The following VEZT variants were observed in gnomAD, a reference collection of about 807,000 sequenced individuals.
VEZT encodes vezatin.
In VEZT, 39 loss-of-function variants were observed where a neutral mutation model predicts 79.9. The observed-to-expected ratio is 0.49, with a 90% CI of 0.38 to 0.64. VEZT has a LOEUF of 0.64. Ranked by LOEUF, VEZT falls within the 30% of genes least tolerant of loss-of-function variation. The pLI is 0.00. For synonymous variants in VEZT, 325 were observed against 327.6 expected, an observed-to-expected ratio of 0.99 and a Z score of 0.09; for missense variants, 837 against 893.1, an observed-to-expected ratio of 0.94 and a Z score of 0.80.
intron 1 of VEZT, among the ~76,000 whole-genome samples, chr12:95,246,500 C>T (rs138523327): frequency 6.6e-6 from 1 of 152,252 alleles, no homozygotes; most frequent in African/African-American, 2.4e-5. Flanking sequence ...TTGGATGAGA[C>T]ATTTTCTTAA....
intron 3 of VEZT, among the ~76,000 whole-genome samples, chr12:95,262,704 T>A (rs144519965): frequency 1.3e-4 from 20 of 152,350 alleles, no homozygotes; most frequent in Middle Eastern, 3.4e-3. Context: ...CTCAATAATG[T>A]CTATCTCAAC....
At chr12:95,297,993 A>G (rs1190831766) in intron 11 of VEZT, among the ~76,000 whole-genome samples, 2 of 151,934 alleles carry the variant, frequency 1.3e-5, no homozygotes, top group African/African-American at 4.8e-5. Flanking sequence ...GATGGCGCAC[A>G]CCTATAATCC....
chr12:95,257,055 T>C, intron 2 of VEZT, 95 bp from the exon 3 acceptor site: 1 of 991,180 alleles, frequency 1.0e-6, no homozygotes, highest in Non-Finnish European at 1.5e-6. Context: ...TTTTCTGATA[T>C]AAATTCTCAT....
chr12:95,256,420 ACCT>A (rs1358516968), intron 2 of VEZT: 1 of 380,342 alleles, frequency 2.6e-6, no homozygotes, highest in East Asian at 8.6e-5. Flanking sequence ...CTCCTCTCTG[ACCT>A]CCTCTTTTCC....
At chr12:95,269,989 A>G (rs2066278905) in intron 5 of VEZT, 62 bp from the exon 6 acceptor site, 2 of 1,553,222 alleles carry the variant, frequency 1.3e-6, no homozygotes, top group Non-Finnish European at 1.7e-6. Context: ...GATTTAGGAA[A>G]CAAAAACTTT....
rs200736403 is a variant in VEZT at position 95,217,869 on chromosome 12, G to C, written c.19G>C (p.Glu7Gln). Residue 7 changes from glutamate to glutamine, a missense_variant, in exon 1 of 12, where the codon GAA (glutamate) becomes CAA (glutamine). Transcript: ENST00000436874. ...GAGAAGGATGACACCGGAGTTTGAC[G>C]AAGAGGTGGTTTTTGAGGTAAGAGG... MTPEFD[E>Q]EVVFENSPLY... 2.0e-6 allele frequency: 3 copies of C among 1,529,980 alleles called. No individual in the cohort carries two copies. The highest frequency in any genetic ancestry group is 2.5e-5 in the South Asian group (2 of 80,944). 94.8% of individuals were successfully genotyped at this position (1,529,980 alleles called of 1,614,324 possible).
intron 9 of VEZT, 115 bp downstream of exon 9, chr12:95,287,972 T>C: frequency 1.1e-6 from 1 of 914,562 alleles, no homozygotes; most frequent in Non-Finnish European, 1.5e-6. Flanking sequence ...CAAAATTTCT[T>C]AGTTTACTTT....
intron 1 of VEZT, among the ~76,000 whole-genome samples, chr12:95,220,683 T>C (rs2057442782): frequency 6.6e-6 from 1 of 152,198 alleles, no homozygotes; most frequent in Non-Finnish European, 1.5e-5. Context: ...GATTCGTCCA[T>C]ATTGTTAACA....
intron 1 of VEZT, 140 bp from the exon 2 acceptor site, chr12:95,251,800 A>G (rs908832167): frequency 1.6e-6 from 1 of 620,932 alleles, no homozygotes. Context: ...ATTATAACAG[A>G]TAATTCAGTT....
At chr12:95,244,761 G>T (rs2061501851) in intron 1 of VEZT, among the ~76,000 whole-genome samples, 1 of 145,508 alleles carries the variant, frequency 6.9e-6, no homozygotes, top group African/African-American at 2.6e-5. Flanking sequence ...AAGAAATTTG[G>T]TAATTTTTTT....
At chr12:95,228,313 A>G (rs2058778167) in intron 1 of VEZT, among the ~76,000 whole-genome samples, 2 of 152,136 alleles carry the variant, frequency 1.3e-5, no homozygotes, top group Admixed American at 1.3e-4. Flanking sequence ...GTTATTATGC[A>G]TCTCTGAGGA....
chr12:95,236,718 C>T (rs2060249059), intron 1 of VEZT, among the ~76,000 whole-genome samples: 1 of 151,896 alleles, frequency 6.6e-6, no homozygotes, highest in South Asian at 2.1e-4. Context: ...TTACAATAAG[C>T]CCACATTACA....
intron 1 of VEZT, among the ~76,000 whole-genome samples, chr12:95,241,343 TTTTG>T (rs2060986560): frequency 6.6e-6 from 1 of 151,760 alleles, no homozygotes; most frequent in South Asian, 2.1e-4. Flanking sequence ...TGCCAACAGG[TTTTG>T]TTTGTTTGTT....
Position 95,253,694 on chromosome 12 carries a change from T to C in VEZT, c.168+1623T>C, listed in dbSNP as rs376924053. ...GTATTATTGTCATTTATGACAAGTA[T>C]TTTTATATATAGAAATGTTGTTGCT... is the stretch of plus-strand genomic sequence containing the variant. On this transcript the variant is annotated intron_variant, in intron 2 of 11. Coordinates refer to ENST00000436874, the MANE Select transcript of VEZT (RefSeq NM_017599.4). Among the ~76,000 whole-genome samples the C allele has an allele frequency of 2.6e-5, 4 of 152,352 alleles. No individual in the cohort carries two copies. In the East Asian group the frequency reaches 5.8e-4, roughly 22 times the overall value.
At chr12:95,219,572 G>C (rs1046169705) in intron 1 of VEZT, among the ~76,000 whole-genome samples, 3 of 152,088 alleles carry the variant, frequency 2.0e-5, no homozygotes, top group African/African-American at 7.2e-5. Flanking sequence ...CCCCTCACGT[G>C]TATCATAATA....
Position 95,246,641 on chromosome 12 carries a change from T to A in VEZT, c.37-5299T>A, listed in dbSNP as rs183902709. Reference sequence around the variant, plus strand: ...TTGGCTGTTTTTCATTTAGCAAAATTCTTTCTGGTGTTATGATATGTGTTT... The same window carrying A: ...TTGGCTGTTTTTCATTTAGCAAAATACTTTCTGGTGTTATGATATGTGTTT... On this transcript the variant is annotated intron_variant, in intron 1 of 11. Transcript: ENST00000436874. 1.4e-4 allele frequency among the ~76,000 whole-genome samples: 21 copies of A among 152,356 alleles called. No individual in the cohort carries two copies. In the East Asian group the frequency reaches 3.9e-3, roughly 28 times the overall value.
rs375129362 is a variant in VEZT at position 95,266,589 on chromosome 12, C to T, written c.667C>T (p.Arg223Cys). 1.6e-4 allele frequency: 253 copies of T among 1,613,226 alleles called. No individual in the cohort carries two copies. The East Asian group carries it at 2.4e-3, about 15-fold the overall frequency. Residue 223 changes from arginine (R) to cysteine (C), a missense_variant, in exon 5 of 12, where the codon CGT becomes TGT. Physicochemically the swap from Arg to Cys is radical, Grantham distance 180. Transcript: ENST00000436874. ...AFTNLVRKAL[R>C]LIQETEVISR... ...TACTAACCTCGTGAGAAAAGCTTTA[C>T]GTCTCATTCAAGAAACCGAAGTGAT...
intron 1 of VEZT, among the ~76,000 whole-genome samples, chr12:95,244,715 C>T (rs867563391): frequency 4.0e-4 from 60 of 151,406 alleles, no homozygotes; most frequent in African/African-American, 1.3e-3. Flanking sequence ...CCTCAGTCTC[C>T]TGCCTCTCAC....
At chr12:95,267,494 G>A (rs998060046) in intron 5 of VEZT, among the ~76,000 whole-genome samples, 1 of 152,088 alleles carries the variant, frequency 6.6e-6, no homozygotes, top group Non-Finnish European at 1.5e-5. Context: ...TTAATTAGTC[G>A]TATCTAGAAA....
Sources: gnomAD v4.1 joint callset for allele counts (sites outside exome capture counted in the v4.1 genomes callset) on GRCh38, gnomAD v4.1.1 for gene constraint, MANE v1.5 for transcripts, NCBI Gene and HGNC (gene_info 2026-07-23, HGNC 2026-07-21) for gene names.